The following NSMCE2 variants were observed in gnomAD, a reference collection of about 807,000 sequenced individuals.
NSMCE2 encodes NSE2 SUMO ligase component of SMC5/6 complex.
NSMCE2 carries 24 observed loss-of-function variants against 23.8 expected under a neutral mutation model. The observed-to-expected ratio is 1.01, with a 90% CI of 0.73 to 1.42. The LOEUF is 1.42. Ranked by LOEUF, NSMCE2 falls within the 40% of genes most tolerant of loss-of-function variation. NSMCE2 has a pLI of 0.00. For synonymous variants in NSMCE2, 92 were observed against 94.1 expected, an observed-to-expected ratio of 0.98 and a Z score of 0.13; for missense variants, 284 against 296.5, an observed-to-expected ratio of 0.96 and a Z score of 0.31.
chr8:125,340,169 C>T (rs1311348427), intron 5 of NSMCE2, among the ~76,000 whole-genome samples: 1 of 151,828 alleles, frequency 6.6e-6, no homozygotes, highest in African/African-American at 2.4e-5. Context: ...CGCCCGCCAT[C>T]ACGCCCGGCT....
chr8:125,311,762 G>C (rs540945274), intron 5 of NSMCE2, among the ~76,000 whole-genome samples: 2 of 152,166 alleles, frequency 1.3e-5, no homozygotes, highest in Non-Finnish European at 2.9e-5. Context: ...TGGTGAAATA[G>C]AATCAAGAAA....
intron 5 of NSMCE2, among the ~76,000 whole-genome samples, chr8:125,355,186 G>A (rs558057764): frequency 6.6e-6 from 1 of 152,284 alleles, no homozygotes; most frequent in Admixed American, 6.5e-5. Context: ...ATCTGGCCTA[G>A]GTGATGGCCC....
chr8:125,335,908 G>T (rs1209591890), intron 5 of NSMCE2, among the ~76,000 whole-genome samples: 1 of 152,198 alleles, frequency 6.6e-6, no homozygotes, highest in Admixed American at 6.5e-5. Flanking sequence ...CATCAAGTGA[G>T]ATAGAGCCTC....
intron 1 of NSMCE2, among the ~76,000 whole-genome samples, chr8:125,101,365 G>A (rs962714282): frequency 2.6e-4 from 39 of 152,192 alleles, no homozygotes; most frequent in African/African-American, 8.7e-4. Context: ...AGGCTCTAAT[G>A]CTAATTAATT....
intron 4 of NSMCE2, among the ~76,000 whole-genome samples, chr8:125,155,716 C>T (rs1401738484): frequency 6.6e-6 from 1 of 152,102 alleles, no homozygotes; most frequent in East Asian, 1.9e-4. Flanking sequence ...TTAAACTAAA[C>T]CTATAGTTCC....
chr8:125,216,533 C>T lies in NSMCE2; in HGVS notation c.418+34277C>T, dbSNP rs545601242. ...ACATGCCTGTAATCCCAGCTACGTA[C>T]TGAGGCAGGAGAATTGCTTGAACCT... On this transcript the variant is annotated intron_variant, in intron 5 of 7. Coordinates refer to ENST00000287437, the MANE Select transcript of NSMCE2 (RefSeq NM_173685.4). 1.3e-4 allele frequency among the ~76,000 whole-genome samples: 20 copies of T among 151,966 alleles called. No individual in the cohort carries two copies. In the South Asian group the frequency reaches 4.1e-3, roughly 32 times the overall value.
At chr8:125,108,799 T>G (rs1426204857) in intron 3 of NSMCE2, among the ~76,000 whole-genome samples, 1 of 152,204 alleles carries the variant, frequency 6.6e-6, no homozygotes, top group Non-Finnish European at 1.5e-5. Flanking sequence ...ACTACAAAGA[T>G]AAATAAAGGT....
intron 5 of NSMCE2, among the ~76,000 whole-genome samples, chr8:125,298,317 TTTAAG>T (rs1446277381): frequency 3.3e-5 from 5 of 152,220 alleles, no homozygotes; most frequent in Non-Finnish European, 7.3e-5. Context: ...AAGTACTTTG[TTTAAG>T]TTAACTCATT....
chr8:125,359,123 C>T (rs1276551257), intron 7 of NSMCE2, among the ~76,000 whole-genome samples: 4 of 151,558 alleles, frequency 2.6e-5, no homozygotes, highest in African/African-American at 4.8e-5. Context: ...AAAAATTAGC[C>T]GGGCGTGGTG....
intron 1 of NSMCE2, among the ~76,000 whole-genome samples, chr8:125,095,351 G>A (rs1331887626): frequency 6.6e-6 from 1 of 152,096 alleles, no homozygotes; most frequent in Non-Finnish European, 1.5e-5. Flanking sequence ...GCACTTGAGA[G>A]GCCGAGTTGG....
intron 5 of NSMCE2, among the ~76,000 whole-genome samples, chr8:125,217,594 C>T (rs567731775): frequency 3.9e-5 from 6 of 152,186 alleles, no homozygotes; most frequent in Admixed American, 3.9e-4. Flanking sequence ...TCTGTATCTC[C>T]TGACCTCGTG....
At chr8:125,284,204 A>G (rs1178490996) in intron 5 of NSMCE2, among the ~76,000 whole-genome samples, 2 of 151,966 alleles carry the variant, frequency 1.3e-5, no homozygotes, top group African/African-American at 4.8e-5. Context: ...GAGTAAAAAA[A>G]AAAAAGAAAA....
At chr8:125,222,881 G>A (rs1586633831) in intron 5 of NSMCE2, among the ~76,000 whole-genome samples, 1 of 151,684 alleles carries the variant, frequency 6.6e-6, no homozygotes, top group African/African-American at 2.4e-5. Context: ...TAGGCAACAC[G>A]GCAAAACCCT....
intron 1 of NSMCE2, among the ~76,000 whole-genome samples, chr8:125,099,473 T>C (rs536795812): frequency 1.3e-5 from 2 of 151,770 alleles, no homozygotes; most frequent in Non-Finnish European, 2.9e-5. Flanking sequence ...AAAAAGAAGC[T>C]TGGATTCTGA....
chr8:125,256,759 A>T (rs887946444), intron 5 of NSMCE2, among the ~76,000 whole-genome samples: 18 of 151,638 alleles, frequency 1.2e-4, no homozygotes, highest in Non-Finnish European at 1.9e-4. Context: ...CCCTGTCTCT[A>T]TTAAAAATAC....
Position 125,272,755 on chromosome 8 carries a change from GTA to G in NSMCE2, c.419-84453_419-84452del, listed in dbSNP as rs374934126. Among the ~76,000 whole-genome samples, 104 of 123,934 alleles carry G rather than the reference GTA, an allele frequency of 8.4e-4. 5 individuals are homozygous for G. The highest frequency in any genetic ancestry group is 1.2e-3 in the African/African-American group (39 of 32,090). The allele number at this position is 123,934 out of a possible 152,430, so 81.3% of individuals were successfully genotyped here. Reference sequence around the variant, plus strand: ...CACACACACACATATATATACACACGTATATATATATACACACACACGTATAT... The same window carrying G: ...CACACACACACATATATATACACACGTATATATATACACACACACGTATAT... On this transcript the variant is annotated intron_variant, in intron 5 of 7. Transcript: ENST00000287437.
At chr8:125,294,951 G>C (rs139944052) in intron 5 of NSMCE2, among the ~76,000 whole-genome samples, 31 of 152,138 alleles carry the variant, frequency 2.0e-4, no homozygotes, top group Non-Finnish European at 2.2e-4. Flanking sequence ...CAAGATTAGT[G>C]GTGGTTCACA....
chr8:125,294,613 T>G (rs538700640), intron 5 of NSMCE2, among the ~76,000 whole-genome samples: 1 of 152,374 alleles, frequency 6.6e-6, no homozygotes, highest in Admixed American at 6.5e-5. Flanking sequence ...CTTATGCACG[T>G]AATAGAAACT....
chr8:125,142,194 T>C (rs1022377165), intron 3 of NSMCE2, among the ~76,000 whole-genome samples: 12 of 152,212 alleles, frequency 7.9e-5, no homozygotes, highest in Non-Finnish European at 1.5e-4. Context: ...AGCCAGGCCC[T>C]GTGCAGATCA....
Sources: allele counts gnomAD v4.1 joint callset (sites outside exome capture counted in the v4.1 genomes callset), GRCh38; gene constraint gnomAD v4.1.1; transcripts MANE v1.5; gene names NCBI Gene and HGNC (gene_info 2026-07-23, HGNC 2026-07-21).